CCDC192: variants seen among roughly 807,000 people sequenced by gnomAD.
CCDC192 encodes the protein coiled-coil domain-containing protein 192.
intron 5 of CCDC192, among the ~76,000 whole-genome samples, chr5:127,865,972 A>G (rs145276527): frequency 7.8e-4 from 119 of 152,182 alleles, no homozygotes; most frequent in African/African-American, 2.8e-3. Context: ...TTTTTTTTAT[A>G]TACCGTGCTC....
chr5:127,909,889 A>G (rs932816710), intron 6 of CCDC192, among the ~76,000 whole-genome samples: 1 of 152,186 alleles, frequency 6.6e-6, no homozygotes, highest in Non-Finnish European at 1.5e-5. Context: ...CATCTCTACA[A>G]TGGCTTTTAT....
intron 5 of CCDC192, among the ~76,000 whole-genome samples, chr5:127,871,292 A>T (rs1210433696): frequency 6.6e-6 from 1 of 152,260 alleles, no homozygotes; most frequent in Admixed American, 6.5e-5. Flanking sequence ...TTAATTTCTA[A>T]AAAAAGAAGA....
At chr5:127,728,088 G>A (rs781235701) in intron 2 of CCDC192, among the ~76,000 whole-genome samples, 3 of 152,108 alleles carry the variant, frequency 2.0e-5, no homozygotes, top group Admixed American at 6.5e-5. Flanking sequence ...TGAAAGAGAC[G>A]GGGAGAACAA....
At chr5:127,762,083 A>G (rs942307208) in intron 3 of CCDC192, among the ~76,000 whole-genome samples, 5 of 152,192 alleles carry the variant, frequency 3.3e-5, no homozygotes, top group Admixed American at 2.0e-4. Context: ...TTTATATGCA[A>G]CAGTGGATCT....
intron 6 of CCDC192, among the ~76,000 whole-genome samples, chr5:127,931,994 C>CAA (rs570062426): frequency 6.8e-6 from 1 of 147,198 alleles, no homozygotes; most frequent in Non-Finnish European, 1.5e-5. Context: ...TACTAAAATA[C>CAA]AAAAAAAAAA....
At chr5:127,915,902 G>A (rs1020093704) in intron 6 of CCDC192, among the ~76,000 whole-genome samples, 7 of 152,092 alleles carry the variant, frequency 4.6e-5, no homozygotes, top group South Asian at 2.1e-4. Flanking sequence ...AGGTCTGGGG[G>A]GCTGTGGCAA....
At chr5:127,844,108 T>G (rs759579793) in intron 5 of CCDC192, among the ~76,000 whole-genome samples, 2 of 152,220 alleles carry the variant, frequency 1.3e-5, no homozygotes, top group Non-Finnish European at 2.9e-5. Context: ...TTCTTTGCCT[T>G]TATGGCCCCA....
At chr5:127,909,397 A>G (rs1016193688) in intron 6 of CCDC192, among the ~76,000 whole-genome samples, 3 of 152,108 alleles carry the variant, frequency 2.0e-5, no homozygotes, top group Non-Finnish European at 4.4e-5. Flanking sequence ...GAAGATCAAT[A>G]AAAAGAAGAA....
intron 5 of CCDC192, among the ~76,000 whole-genome samples, chr5:127,813,356 G>A (rs1023550936): frequency 6.6e-6 from 1 of 152,032 alleles, no homozygotes; most frequent in Non-Finnish European, 1.5e-5. Context: ...GTAAATTTTT[G>A]TATAGTTTCC....
chr5:127,853,045 G>A (rs961634727), intron 5 of CCDC192, among the ~76,000 whole-genome samples: 17 of 151,986 alleles, frequency 1.1e-4, no homozygotes, highest in Admixed American at 9.8e-4. Flanking sequence ...AGCTGAGATC[G>A]TGCCACTGCA....
chr5:127,938,521 C>T (rs1241583744), intron 6 of CCDC192, among the ~76,000 whole-genome samples: 1 of 152,108 alleles, frequency 6.6e-6, no homozygotes, highest in East Asian at 1.9e-4. Flanking sequence ...CATTATCCAA[C>T]AGAAATATAA....
intron 6 of CCDC192, among the ~76,000 whole-genome samples, chr5:127,920,944 C>G (rs976573258): frequency 6.6e-6 from 1 of 151,780 alleles, no homozygotes; most frequent in Non-Finnish European, 1.5e-5. Flanking sequence ...CCTGTAGTCC[C>G]AGCTACCTGG....
chr5:127,937,695 T>A (rs1754224345), intron 6 of CCDC192, among the ~76,000 whole-genome samples: 4 of 152,244 alleles, frequency 2.6e-5, no homozygotes, highest in Admixed American at 2.6e-4. Flanking sequence ...ACCTTCTCCC[T>A]GTAATACTCT....
chr5:127,855,334 A>T (rs1158893688), intron 5 of CCDC192, among the ~76,000 whole-genome samples: 4 of 152,134 alleles, frequency 2.6e-5, no homozygotes, highest in African/African-American at 9.7e-5. Context: ...ACAAGGAGCA[A>T]CTCATTCATT....
At chr5:127,790,067 G>T (rs1161558618) in intron 3 of CCDC192, among the ~76,000 whole-genome samples, 1 of 152,248 alleles carries the variant, frequency 6.6e-6, no homozygotes, top group Non-Finnish European at 1.5e-5. Flanking sequence ...CCTAGCCACA[G>T]CATGGATGGA....
At chr5:127,786,069 A>G in intron 3 of CCDC192, 2 of 712,508 alleles carry the variant, frequency 2.8e-6, no homozygotes, top group Non-Finnish European at 5.0e-6. Context: ...TCTGGATTCT[A>G]GATACAAGAT....
chr5:127,830,721 G>T (rs1749751123), intron 5 of CCDC192, among the ~76,000 whole-genome samples: 1 of 150,798 alleles, frequency 6.6e-6, no homozygotes, highest in Non-Finnish European at 1.5e-5. Context: ...CTTGCCTCAA[G>T]TTAGCATGCA....
intron 5 of CCDC192, among the ~76,000 whole-genome samples, chr5:127,835,792 G>A (rs1009647712): frequency 2.6e-5 from 4 of 152,014 alleles, no homozygotes; most frequent in Admixed American, 1.3e-4. Context: ...GGGAGAAACC[G>A]CCCCCATGAT....
intron 4 of CCDC192, among the ~76,000 whole-genome samples, chr5:127,797,770 TA>T (rs1561494240): frequency 4.1e-3 from 70 of 17,272 alleles, no homozygotes; most frequent in Admixed American, 8.3e-3. Flanking sequence ...TATATATATA[TA>T]TATATATTTA....
Sources: allele counts gnomAD v4.1 joint callset (sites outside exome capture counted in the v4.1 genomes callset), GRCh38; gene constraint gnomAD v4.1.1; transcripts MANE v1.5; gene names NCBI Gene and HGNC (gene_info 2026-07-23, HGNC 2026-07-21).